Variants in RANBP3 observed in about 807,000 individuals in gnomAD.
The protein encoded by RANBP3 is ran-binding protein 3.
A neutral mutation model predicts 77.3 loss-of-function variants in RANBP3; 14 were observed. That is an observed-to-expected ratio of 0.18 (90% confidence interval 0.12 to 0.28). The LOEUF is 0.28. Among genes scored for constraint, RANBP3 ranks in the 10% least tolerant of loss-of-function variants. RANBP3 has a pLI of 1.00. For missense variants in RANBP3, 586 were observed against 752.3 expected (o/e 0.78, Z 2.59); for synonymous variants, 315 against 312.4 (o/e 1.01, Z -0.09).
At chr19:5,932,930 C>T in intron 6 of RANBP3, 1 of 273,800 alleles carries the variant, frequency 3.7e-6, no homozygotes, top group East Asian at 9.7e-5. Flanking sequence ...TTTTTCAAAA[C>T]AGCCATGCTG....
intron 10 of RANBP3, 189 bp downstream of exon 10, chr19:5,925,445 A>G: frequency 1.6e-6 from 1 of 606,642 alleles, no homozygotes; most frequent in Non-Finnish European, 2.9e-6. Context: ...AGTGAATCCC[A>G]GGACAAGGCC....
intron 11 of RANBP3, 50 bp from the exon 12 acceptor site, chr19:5,923,964 C>T (rs938994309): frequency 3.5e-6 from 5 of 1,424,780 alleles, no homozygotes; most frequent in South Asian, 1.2e-5. Flanking sequence ...TGTGGTCCTT[C>T]AGCAGCAGCT....
At chr19:5,967,491 A>G (rs1340435058) in intron 1 of RANBP3, among the ~76,000 whole-genome samples, 1 of 152,112 alleles carries the variant, frequency 6.6e-6, no homozygotes, top group Non-Finnish European at 1.5e-5. Flanking sequence ...GGTACTTTAC[A>G]TATCTAGTCT....
intron 1 of RANBP3, among the ~76,000 whole-genome samples, chr19:5,972,584 T>A (rs559044706): frequency 6.6e-6 from 1 of 152,156 alleles, no homozygotes; most frequent in Admixed American, 6.5e-5. Context: ...GCCAAGCCAA[T>A]ACCAGCCATC....
rs1250532112 is a variant in RANBP3 at position 5,917,607 on chromosome 19, C to CCGCTATGTGCTCCCGGT, written c.1690_*2dup. 1.9e-6 allele frequency: 3 copies of CCGCTATGTGCTCCCGGT among 1,598,512 alleles called. No individual in the cohort carries two copies. Among genetic ancestry groups the CCGCTATGTGCTCCCGGT allele is most frequent in the East Asian group, 2.2e-5 (1 of 44,456 alleles). On this transcript the variant is annotated 3_prime_UTR_variant, in exon 17 of 17. Transcript: ENST00000340578. ...GCCTGGTGTGCAGCCGGGCTCCCGG[C>CCGCTATGTGCTCCCGGT]CGCTATGTGCTCCCGGTCGTCTGCC... is the stretch of plus-strand genomic sequence containing the variant.
At chr19:5,928,396 CATT>C (rs1440696810) in intron 8 of RANBP3, 1 of 219,288 alleles carries the variant, frequency 4.6e-6, no homozygotes, top group Non-Finnish European at 8.9e-6. Context: ...GGTTGCTCAT[CATT>C]GGCCAAGGAA....
chr19:5,967,409 T>A (rs1327534422), intron 1 of RANBP3, among the ~76,000 whole-genome samples: 1 of 152,196 alleles, frequency 6.6e-6, no homozygotes, highest in Admixed American at 6.5e-5. Flanking sequence ...CACCACCAGA[T>A]ACTTACACTT....
chr19:5,925,316 G>A lies in RANBP3; in HGVS notation c.917+318C>T, dbSNP rs929990576. The stretch of plus-strand genomic sequence containing the variant: ...GGGGCGCCTGAGTCGCCTCTGGCCT[G>A]CTCTGTTCTGCTCTGGGCATGAGGT... On this transcript the variant is annotated intron_variant, in intron 10 of 16. Coordinates refer to ENST00000340578, the MANE Select transcript of RANBP3 (RefSeq NM_007322.3). 8.0e-6 allele frequency: 4 copies of A among 501,238 alleles called. No individual in the cohort carries two copies. The East Asian group carries it at 1.1e-4, about 14-fold the overall frequency. 31.0% of individuals were successfully genotyped at this position (501,238 alleles called of 1,614,324 possible). A position where few individuals can be genotyped will look rare whatever the true frequency, so the allele number is the denominator to read the frequency against.
In RANBP3 at chr19:5,971,678, C is replaced by A. The variant is rs1395734284; in HGVS notation, c.22+6383G>T. Among the ~76,000 whole-genome samples, 4 of 152,228 alleles carry A rather than the reference C, an allele frequency of 2.6e-5. No individual in the cohort carries two copies. The East Asian group carries it at 7.7e-4, about 29-fold the overall frequency. Reference sequence around the variant, plus strand: ...CCGGACCATCTTTGAGAACTGCTGCCATATGCTATCTGAGTTCTAGCATTC... The same window carrying A: ...CCGGACCATCTTTGAGAACTGCTGCAATATGCTATCTGAGTTCTAGCATTC... On this transcript the variant is annotated intron_variant, in intron 1 of 16. Coordinates refer to ENST00000340578, the MANE Select transcript of RANBP3 (RefSeq NM_007322.3).
chr19:5,956,587 T>A (rs951916063), intron 2 of RANBP3, among the ~76,000 whole-genome samples: 10 of 152,140 alleles, frequency 6.6e-5, no homozygotes, highest in African/African-American at 2.4e-4. Context: ...GCTTAGTAGA[T>A]AAGTCCAGGC....
At position 5,975,453 on chromosome 19, in the gene RANBP3, T is replaced by C. The variant is rs539390953; in HGVS notation, c.22+2608A>G. On this transcript the variant is annotated intron_variant, in intron 1 of 16. Transcript: ENST00000340578. ...GAAAAGGGCAAGCCATAATTTCCCC[T>C]TTGTGCTCAAATGTATTCCTCACAA... Among the ~76,000 whole-genome samples, 342 of 152,136 alleles carry C rather than the reference T, an allele frequency of 2.2e-3. 2 individuals carry two copies. The highest frequency in any genetic ancestry group is 3.3e-3 in the Admixed American group (50 of 15,266).
At chr19:5,948,163 C>T (rs1568466780) in intron 3 of RANBP3, among the ~76,000 whole-genome samples, 1 of 152,266 alleles carries the variant, frequency 6.6e-6, no homozygotes, top group East Asian at 1.9e-4. Flanking sequence ...TAAATTCCCT[C>T]TAGATGGCTG....
At chr19:5,928,926 T>C (rs372637824) in intron 8 of RANBP3, among the ~76,000 whole-genome samples, 1 of 152,188 alleles carries the variant, frequency 6.6e-6, no homozygotes, top group African/African-American at 2.4e-5. Flanking sequence ...TGGCAGATCT[T>C]TGGAGTCTCT....
At position 5,931,630 on chromosome 19, in the gene RANBP3, C is replaced by T. The variant is rs1319103340; in HGVS notation, c.566-99G>A. ...GCTGGGCCACGTCTAGTCTAGGGCC[C>T]CTCCCATGGTAAAGCCCACAGCACA... is the stretch of plus-strand genomic sequence containing the variant. On this transcript the variant is annotated intron_variant, in intron 7 of 16. Coordinates refer to ENST00000340578, the MANE Select transcript of RANBP3 (RefSeq NM_007322.3). 6.7e-6 allele frequency: 9 copies of T among 1,344,430 alleles called. No homozygotes were observed. In the East Asian group the frequency reaches 2.0e-4, roughly 29 times the overall value. The allele number at this position is 1,344,430 out of a possible 1,614,324, so 83.3% of individuals were successfully genotyped here.
chr19:5,941,589 C>T, intron 5 of RANBP3, 32 bp downstream of exon 5: 1 of 1,569,774 alleles, frequency 6.4e-7, no homozygotes, highest in South Asian at 1.1e-5. Context: ...AGCATAAACG[C>T]TTTCACCATT....
At chr19:5,919,691 G>A (rs2057791924) in intron 14 of RANBP3, among the ~76,000 whole-genome samples, 1 of 152,178 alleles carries the variant, frequency 6.6e-6, no homozygotes, top group Admixed American at 6.5e-5. Flanking sequence ...CTGAGGTCAG[G>A]AGTTCGAGAC....
Position 5,924,819 on chromosome 19 carries a change from C to G in RANBP3, c.996+8G>C, listed in dbSNP as rs1568448151. On this transcript the variant is annotated splice_region_variant and intron_variant, in intron 11 of 16. Coordinates refer to ENST00000340578, the MANE Select transcript of RANBP3 (RefSeq NM_007322.3). This position sits in a 1 kb window ranked among gnomAD's most constrained non-coding sequence, Gnocchi z 4.7. ...GTCCCTGAGAACATTCCCAACACAGCCACTCACCAAAACTCGCTCGCTCAT... is the reference window on the plus strand; with the variant it reads ...GTCCCTGAGAACATTCCCAACACAGGCACTCACCAAAACTCGCTCGCTCAT... 1 of 1,612,790 alleles carries G rather than the reference C, an allele frequency of 6.2e-7. No homozygotes were observed. Among genetic ancestry groups the G allele is most frequent in the Non-Finnish European group, 8.5e-7 (1 of 1,178,834 alleles).
At chr19:5,944,360 T>A (rs2058176914) in intron 3 of RANBP3, among the ~76,000 whole-genome samples, 1 of 152,214 alleles carries the variant, frequency 6.6e-6, no homozygotes, top group Non-Finnish European at 1.5e-5. Context: ...CACCACCTTG[T>A]CATCCCTTTT....
At chr19:5,938,931 T>C (rs1435320323) in intron 5 of RANBP3, among the ~76,000 whole-genome samples, 2 of 152,038 alleles carry the variant, frequency 1.3e-5, no homozygotes, top group East Asian at 3.9e-4. Context: ...ATGCCTGTAA[T>C]TCCAGTACTT....
Sources: gnomAD v4.1 joint callset for allele counts (sites outside exome capture counted in the v4.1 genomes callset) on GRCh38, gnomAD v4.1.1 for gene constraint, Gnocchi (gnomAD v3.1) non-coding constraint, MANE v1.5 for transcripts, NCBI Gene and HGNC (gene_info 2026-07-23, HGNC 2026-07-21) for gene names.